The following TOPAZ1 variants were observed in gnomAD, a reference collection of about 807,000 sequenced individuals.
TOPAZ1 encodes the protein protein TOPAZ1.
TOPAZ1 carries 66 observed loss-of-function variants against 172.2 expected under a neutral mutation model. The observed-to-expected ratio is 0.38, with a 90% CI of 0.31 to 0.47. The LOEUF (loss-of-function observed/expected upper bound fraction) is 0.47, where lower values mean the gene tolerates loss of function less well. Among genes scored for constraint, TOPAZ1 ranks in the 20% least tolerant of loss-of-function variants. TOPAZ1 has a pLI of 0.99. For missense variants in TOPAZ1, 1,822 were observed against 1,972.4 expected, an observed-to-expected ratio of 0.92 and a Z score of 1.44; for synonymous variants, 681 against 683.9, an observed-to-expected ratio of 1.00 and a Z score of 0.07.
Position 44,270,825 on chromosome 3 carries a change from G to C in TOPAZ1, c.3372+15G>C. 1.3e-6 allele frequency: 2 copies of C among 1,533,276 alleles called. No homozygotes were observed. 95.0% of individuals were successfully genotyped at this position (1,533,276 alleles called of 1,614,324 possible). A position where few individuals can be genotyped will look rare whatever the true frequency, so the allele number is the denominator to read the frequency against. On this transcript the variant is annotated intron_variant, in intron 8 of 19. Transcript: ENST00000309765. ...GGGATGAAAAGGTAAAACATATAAA[G>C]TCTTTAAAGTAGAGATTGTTTTAAT...
rs563191891 is a variant in TOPAZ1 at position 44,313,840 on chromosome 3, C to T, written c.4306+3850C>T. ...CCTAATCTAGCTATTCAGTACATTC[C>T]ATTCCAGGTCTTTTCTCTGTGAGGA... On this transcript the variant is annotated intron_variant, in intron 16 of 19. Coordinates refer to ENST00000309765, the MANE Select transcript of TOPAZ1 (RefSeq NM_001145030.2). Among the ~76,000 whole-genome samples the T allele has an allele frequency of 9.9e-4, 151 of 152,168 alleles. 1 individual carries two copies. Among genetic ancestry groups the T allele is most frequent in the African/African-American group, 3.6e-3 (149 of 41,530 alleles).
chr3:44,277,462 A>C (rs1014269612), intron 8 of TOPAZ1, among the ~76,000 whole-genome samples: 5 of 152,148 alleles, frequency 3.3e-5, no homozygotes, highest in Non-Finnish European at 7.4e-5. Context: ...GACTTCTCCA[A>C]CTTGGATGCC....
At chr3:44,304,841 C>T (rs1436407060) in intron 13 of TOPAZ1, among the ~76,000 whole-genome samples, 3 of 152,136 alleles carry the variant, frequency 2.0e-5, no homozygotes, top group Non-Finnish European at 4.4e-5. Flanking sequence ...CCGTAAAATC[C>T]ATCTCCACTG....
chr3:44,323,646 A>T (rs1700566243), intron 18 of TOPAZ1, among the ~76,000 whole-genome samples: 1 of 152,232 alleles, frequency 6.6e-6, no homozygotes, highest in African/African-American at 2.4e-5. Flanking sequence ...TTTAAAGAAG[A>T]TCTGTTTTTA....
intron 8 of TOPAZ1, among the ~76,000 whole-genome samples, chr3:44,276,212 T>G (rs1027992591): frequency 5.3e-5 from 8 of 152,202 alleles, no homozygotes; most frequent in African/African-American, 1.9e-4. Flanking sequence ...ATTTGTCTTA[T>G]TTTTTGTTTT....
At chr3:44,283,196 G>A (rs938054825) in intron 9 of TOPAZ1, among the ~76,000 whole-genome samples, 1 of 152,174 alleles carries the variant, frequency 6.6e-6, no homozygotes, top group Non-Finnish European at 1.5e-5. Context: ...TAGCATAAAT[G>A]TAGCACCTGT....
chr3:44,309,916 G>C lies in TOPAZ1; in HGVS notation c.4232G>C (p.Cys1411Ser), dbSNP rs1471452849. ...GGGCCTGAGAAGTTAGCATCAAGAT[G>C]TCAAATTGTGAATGTTGCAGCAGAA... is the stretch of plus-strand genomic sequence containing the variant. ...LIGPEKLASRCQIVNVAAEIF... is the reference protein window; with the variant it reads ...LIGPEKLASRSQIVNVAAEIF... Residue 1411 changes from cysteine (C) to serine (S), a missense_variant, in exon 16 of 20, where the codon TGT becomes TCT. Physicochemically the swap from Cys to Ser is moderately radical, Grantham distance 112. Coordinates refer to ENST00000309765, the MANE Select transcript of TOPAZ1 (RefSeq NM_001145030.2). The C allele has an allele frequency of 1.3e-6, 2 of 1,551,590 alleles. No homozygotes were observed. Among genetic ancestry groups the C allele is most frequent in the South Asian group, 2.4e-5 (2 of 84,066 alleles).
At chr3:44,260,970 T>TGTTTC (rs1269127979) in intron 4 of TOPAZ1, among the ~76,000 whole-genome samples, 170 of 145,612 alleles carry the variant, frequency 1.2e-3, no homozygotes, top group African/African-American at 4.1e-3. Flanking sequence ...TGTGTAGATC[T>TGTTTC]GTTTCTTTTT....
intron 18 of TOPAZ1, among the ~76,000 whole-genome samples, chr3:44,324,260 AAG>A (rs1386501729): frequency 6.6e-6 from 1 of 152,218 alleles, no homozygotes; most frequent in Non-Finnish European, 1.5e-5. Flanking sequence ...TTATAATCAA[AAG>A]AAGTTTTGAA....
chr3:44,311,888 T>C (rs1398989630), intron 16 of TOPAZ1, among the ~76,000 whole-genome samples: 1 of 152,166 alleles, frequency 6.6e-6, no homozygotes, highest in Non-Finnish European at 1.5e-5. Flanking sequence ...TTTGGTGATA[T>C]GCTTTTTGTG....
chr3:44,267,236 G>C, intron 6 of TOPAZ1, 100 bp downstream of exon 6: 1 of 969,806 alleles, frequency 1.0e-6, no homozygotes, highest in South Asian at 2.4e-5. Flanking sequence ...AAAGAAAAAT[G>C]GAATCATGTA....
intron 12 of TOPAZ1, among the ~76,000 whole-genome samples, chr3:44,302,805 T>C (rs973459258): frequency 6.6e-6 from 1 of 152,034 alleles, no homozygotes; most frequent in African/African-American, 2.4e-5. Flanking sequence ...TGTATTATTA[T>C]GTGGTTTTTT....
rs765754580 is a variant in TOPAZ1 at position 44,266,998 on chromosome 3, A to G, written c.3022A>G (p.Lys1008Glu). The change falls in exon 6 of 20, where the codon AAA becomes GAA. Residue 1008 changes from lysine (K) to glutamate (E), a missense_variant and splice_region_variant. Physicochemically the swap from Lys to Glu is moderately conservative, Grantham distance 56. Around this residue, in one of 2 missense-constraint regions of TOPAZ1, gnomAD observed 1,489 missense variants for 1,490.8 expected, o/e 1.00. Coordinates refer to ENST00000309765, the MANE Select transcript of TOPAZ1 (RefSeq NM_001145030.2). Reference protein sequence around the residue: ...KENIYEVCKSKDSRNADFMVG... With the variant: ...KENIYEVCKSEDSRNADFMVG... Reference sequence around the variant, plus strand: ...ATGTTAATTTTTCCTTTCACACAGCAAAGATTCTAGAAATGCAGACTTTAT... The same window carrying G: ...ATGTTAATTTTTCCTTTCACACAGCGAAGATTCTAGAAATGCAGACTTTAT... 7.2e-5 allele frequency: 110 copies of G among 1,536,374 alleles called. No individual in the cohort carries two copies. Among genetic ancestry groups the G allele is most frequent in the Non-Finnish European group, 9.5e-5 (108 of 1,141,452 alleles).
intron 18 of TOPAZ1, among the ~76,000 whole-genome samples, chr3:44,326,816 A>G (rs1475041558): frequency 1.3e-5 from 2 of 152,196 alleles, no homozygotes; most frequent in Non-Finnish European, 2.9e-5. Flanking sequence ...TTTCTCCCCA[A>G]AATCAAATGT....
At chr3:44,330,053 A>G (rs938671490) in intron 19 of TOPAZ1, among the ~76,000 whole-genome samples, 2 of 152,204 alleles carry the variant, frequency 1.3e-5, no homozygotes, top group African/African-American at 4.8e-5. Flanking sequence ...ACATACTGTC[A>G]CTTCTGTTCT....
At chr3:44,253,801 A>G (rs1699663103) in intron 2 of TOPAZ1, among the ~76,000 whole-genome samples, 1 of 152,222 alleles carries the variant, frequency 6.6e-6, no homozygotes, top group Non-Finnish European at 1.5e-5. Flanking sequence ...GTAAATACAA[A>G]ATGTTTTGTT....
intron 18 of TOPAZ1, among the ~76,000 whole-genome samples, chr3:44,327,435 A>G (rs1700612339): frequency 6.6e-6 from 1 of 152,248 alleles, no homozygotes. Flanking sequence ...CACCTAAACA[A>G]TTTAAAAGTT....
Position 44,241,936 on chromosome 3 carries a change from T to A in TOPAZ1, c.-118T>A. The stretch of plus-strand genomic sequence containing the variant: ...GCTTCCGGCCCCGGGCTGTGGTGAC[T>A]GGCGGTGTGGGGTGGGTCAGAGGGC... On this transcript the variant is annotated 5_prime_UTR_variant, in exon 1 of 20. Coordinates refer to ENST00000309765, the MANE Select transcript of TOPAZ1 (RefSeq NM_001145030.2). 3 of 944,808 alleles carry A rather than the reference T, an allele frequency of 3.2e-6. No homozygotes were observed. Among genetic ancestry groups the A allele is most frequent in the Non-Finnish European group, 1.5e-6 (1 of 650,158 alleles). 58.5% of individuals were successfully genotyped at this position (944,808 alleles called of 1,614,324 possible).
chr3:44,266,396 A>G (rs11130023), intron 5 of TOPAZ1, among the ~76,000 whole-genome samples: 72,664 of 152,096 alleles, frequency 0.48, 18,243 homozygotes, highest in East Asian at 0.81. Flanking sequence ...TGGTACAAGA[A>G]GCCTACCTTT....
Sources: allele counts gnomAD v4.1 joint callset (sites outside exome capture counted in the v4.1 genomes callset), GRCh38; gene constraint gnomAD v4.1.1; regional missense constraint gnomAD v4.1.1; transcripts MANE v1.5; gene names NCBI Gene and HGNC (gene_info 2026-07-23, HGNC 2026-07-21).